Variants in IGF2R observed in about 807,000 individuals in gnomAD.
IGF2R encodes cation-independent mannose-6-phosphate receptor.
IGF2R carries 91 observed loss-of-function variants against 270.6 expected under a neutral mutation model. The observed-to-expected ratio is 0.34, with a 90% CI of 0.28 to 0.40. The LOEUF is 0.40. Ranked by LOEUF, IGF2R falls within the 10% of genes least tolerant of loss-of-function variation. The pLI is 1.00. For synonymous variants in IGF2R, 1,316 were observed against 1,258.9 expected (o/e 1.05, Z -0.96); for missense variants, 2,805 against 3,188.3 (o/e 0.88, Z 2.90).
At chr6:160,068,661 A>AT (rs769536324) in intron 30 of IGF2R, among the ~76,000 whole-genome samples, 27 of 128,814 alleles carry the variant, frequency 2.1e-4, no homozygotes, top group Non-Finnish European at 4.4e-4. Context: ...GGTGGTTGCA[A>AT]TGAATGTATT....
At chr6:160,069,723 T>C (rs1002142631) in intron 30 of IGF2R, 145 bp from the exon 31 acceptor site, 2 of 694,996 alleles carry the variant, frequency 2.9e-6, no homozygotes, top group African/African-American at 1.8e-5. Flanking sequence ...ATCTGACTTA[T>C]GTGAAAGAAA....
At chr6:160,006,423 C>CGGGAGCTGTCCAGGCGCG (rs777184507) in intron 2 of IGF2R, 1 of 152,902 alleles carries the variant, frequency 6.5e-6, no homozygotes, top group African/African-American at 2.4e-5. Context: ...TGTCCAGGCG[C>CGGGAGCTGTCCAGGCGCG]GGAGCTGTCC....
At chr6:160,053,238 C>T (rs1020526901) in intron 19 of IGF2R, among the ~76,000 whole-genome samples, 1 of 150,122 alleles carries the variant, frequency 6.7e-6, no homozygotes, top group Non-Finnish European at 1.5e-5. Flanking sequence ...CTTGGACACA[C>T]GGTGGGGAAC....
At chr6:159,973,050 A>C (rs960462087) in intron 1 of IGF2R, among the ~76,000 whole-genome samples, 7 of 152,156 alleles carry the variant, frequency 4.6e-5, no homozygotes, top group Non-Finnish European at 7.4e-5. Flanking sequence ...TTCTGAGGCT[A>C]GTGTGATAGG....
chr6:160,104,839 G>C lies in IGF2R; in HGVS notation c.7231G>C (p.Asp2411His), dbSNP rs779004392. 1 of 1,614,202 alleles carries C rather than the reference G, an allele frequency of 6.2e-7. No homozygotes were observed. Among genetic ancestry groups the C allele is most frequent in the African/African-American group, 1.3e-5 (1 of 75,054 alleles). The change falls in exon 48 of 48, where the codon GAT becomes CAT. Residue 2411 changes from aspartate to histidine, a missense_variant. Around this residue, in one of 2 missense-constraint regions of IGF2R, gnomAD observed 1,851 missense variants for 2,207.2 expected, o/e 0.84. Coordinates refer to ENST00000356956, the MANE Select transcript of IGF2R (RefSeq NM_000876.4). ...SLHGDDQDSE[D>H]EVLTIPEVKV... The stretch of plus-strand genomic sequence containing the variant: ...GCATGGGGATGACCAGGACAGTGAG[G>C]ATGAGGTTCTGACCATCCCAGAGGT...
chr6:160,008,716 G>A (rs1013808550), intron 2 of IGF2R, among the ~76,000 whole-genome samples: 11 of 152,166 alleles, frequency 7.2e-5, no homozygotes, highest in Admixed American at 3.3e-4. Context: ...TTGCTGGAGC[G>A]CAGGTAGTGG....
chr6:159,984,347 A>G (rs1346853386), intron 1 of IGF2R, among the ~76,000 whole-genome samples: 1 of 152,084 alleles, frequency 6.6e-6, no homozygotes, highest in African/African-American at 2.4e-5. Flanking sequence ...GTTTGTGGTA[A>G]TACTGCTGTA....
chr6:160,073,579 C>T, intron 34 of IGF2R, 110 bp downstream of exon 34: 1 of 1,286,476 alleles, frequency 7.8e-7, no homozygotes, highest in Non-Finnish European at 1.1e-6. Flanking sequence ...GAACTGTCCA[C>T]TCCTGATCAC....
At chr6:160,027,051 C>T (rs1005077676) in intron 5 of IGF2R, 134 bp from the exon 6 acceptor site, 3 of 980,174 alleles carry the variant, frequency 3.1e-6, no homozygotes, top group African/African-American at 1.6e-5. Context: ...ATGGCTTGCC[C>T]AAGGTTTCAG....
intron 43 of IGF2R, 63 bp downstream of exon 43, chr6:160,089,316 T>G (rs1179312067): frequency 5.5e-6 from 8 of 1,458,312 alleles, no homozygotes; most frequent in Non-Finnish European, 7.5e-6. Flanking sequence ...GCAATGCCGC[T>G]CTTTCCCTAT....
At chr6:160,048,323 C>T in intron 17 of IGF2R, 52 bp from the exon 18 acceptor site, 1 of 1,524,138 alleles carries the variant, frequency 6.6e-7, no homozygotes, top group Non-Finnish European at 9.1e-7. Flanking sequence ...ATAAATGAGA[C>T]TGAAATGTGT....
chr6:160,085,708 CTGG>C (rs1401141083), intron 41 of IGF2R, among the ~76,000 whole-genome samples: 26 of 152,366 alleles, frequency 1.7e-4, no homozygotes, highest in Admixed American at 1.4e-3. Context: ...GCCTCTTAGG[CTGG>C]AGTGGGGTTT....
Position 160,063,438 on chromosome 6 carries a change from C to T in IGF2R, c.3694C>T (p.Pro1232Ser). 6.2e-7 allele frequency: 1 copy of T among 1,612,506 alleles called. No individual in the cohort carries two copies. Among genetic ancestry groups the T allele is most frequent in the Non-Finnish European group, 8.5e-7 (1 of 1,179,968 alleles). The change falls in exon 27 of 48, where the codon CCA becomes TCA. Residue 1232 changes from proline to serine, a missense_variant. Transcript: ENST00000356956. ...VEGDNCEVKDPRHGNLYDLKP... is the reference protein window; with the variant it reads ...VEGDNCEVKDSRHGNLYDLKP... ...AGGGGACAACTGTGAGGTGAAAGACCCAAGGCATGGCAACTTGTATGACCT... is the reference window on the plus strand; with the variant it reads ...AGGGGACAACTGTGAGGTGAAAGACTCAAGGCATGGCAACTTGTATGACCT...
At chr6:160,056,552 T>G (rs1195796034) in intron 20 of IGF2R, 27 bp downstream of exon 20, 1 of 1,446,218 alleles carries the variant, frequency 6.9e-7, no homozygotes, top group Non-Finnish European at 9.7e-7. Context: ...CTGGCCCTCG[T>G]GCTGAGCTGC....
At chr6:159,975,495 A>G (rs9456487) in intron 1 of IGF2R, among the ~76,000 whole-genome samples, 37,102 of 151,276 alleles carry the variant, frequency 0.25, 4,956 homozygotes, top group East Asian at 0.49. Context: ...GGATCTTAAG[A>G]CCCACAGTCC....
intron 23 of IGF2R, 118 bp from the exon 24 acceptor site, chr6:160,061,385 C>T (rs371277312): frequency 1.1e-6 from 1 of 898,100 alleles, no homozygotes. Flanking sequence ...ATTTCCTTAT[C>T]CTCACAGTTA....
chr6:159,973,853 T>C (rs115250804), intron 1 of IGF2R, among the ~76,000 whole-genome samples: 1,617 of 152,332 alleles, frequency 0.011, 24 homozygotes, highest in African/African-American at 0.037. Context: ...TTGATCTTGG[T>C]ATATAAACTA....
chr6:160,077,324 T>C (rs1405407251), intron 36 of IGF2R, among the ~76,000 whole-genome samples: 1 of 152,200 alleles, frequency 6.6e-6, no homozygotes, highest in Admixed American at 6.5e-5. Flanking sequence ...GATTTTGCCT[T>C]GCGGGGGGCT....
At chr6:160,072,585 C>T (rs1367216487) in intron 32 of IGF2R, among the ~76,000 whole-genome samples, 180 bp from the exon 33 acceptor site, 1 of 152,194 alleles carries the variant, frequency 6.6e-6, no homozygotes, top group African/African-American at 2.4e-5. Context: ...TCTCATGGAT[C>T]AAGGGACTGA....
Sources: allele counts gnomAD v4.1 joint callset (sites outside exome capture counted in the v4.1 genomes callset), GRCh38; gene constraint gnomAD v4.1.1; regional missense constraint gnomAD v4.1.1; transcripts MANE v1.5; gene names NCBI Gene and HGNC (gene_info 2026-07-23, HGNC 2026-07-21).